The following GLT8D1 variants were observed in gnomAD, a reference collection of about 807,000 sequenced individuals.
GLT8D1 encodes the protein glycosyltransferase 8 domain containing 1.
GLT8D1 carries 41 observed loss-of-function variants against 46.2 expected under a neutral mutation model. The ratio of observed to expected loss-of-function variants is 0.89; its 90% CI spans 0.69 to 1.15. GLT8D1 has a LOEUF of 1.15. Ranked by LOEUF, GLT8D1 falls within the 50% of genes most tolerant of loss-of-function variation. The probability of loss-of-function intolerance (pLI) is 0.00; values close to 1 mark genes in which losing one functional copy is unlikely to be tolerated. For missense variants in GLT8D1, 408 were observed against 449.3 expected (o/e 0.91, Z 0.83); for synonymous variants, 150 against 154.2 (o/e 0.97, Z 0.20).
intron 4 of GLT8D1, 135 bp downstream of exon 4, chr3:52,697,586 A>G (rs1475290999): frequency 2.8e-6 from 2 of 706,114 alleles, no homozygotes; most frequent in East Asian, 5.0e-5. Flanking sequence ...AAAATATGTC[A>G]TTTGTACAGT....
Position 52,696,626 on chromosome 3 carries a change from G to C in GLT8D1, c.363C>G (p.Ile121Met), listed in dbSNP as rs1480811144. 6.2e-7 allele frequency: 1 copy of C among 1,607,772 alleles called. No individual in the cohort carries two copies. The highest frequency in any genetic ancestry group is 8.5e-7 in the Non-Finnish European group (1 of 1,174,386). The change falls in exon 5 of 10, where the codon ATC (isoleucine) becomes ATG (methionine). Residue 121 changes from isoleucine (I) to methionine (M), a missense_variant. Transcript: ENST00000266014. ...GGTCAAAATTGACAATTTTGTATCT[G>C]ATGCTTTTCAGGGAATCACTGTTGA... ...SWLNSDSLKSIRYKIVNFDPK... is the reference protein window; with the variant it reads ...SWLNSDSLKSMRYKIVNFDPK...
intron 4 of GLT8D1, 141 bp downstream of exon 4, chr3:52,697,579 AT>A (rs1318974880): frequency 4.7e-5 from 32 of 680,546 alleles, no homozygotes; most frequent in Middle Eastern, 8.3e-4. Flanking sequence ...CCTAAAAAAA[AT>A]ATGTCATTTG....
At chr3:52,703,648 T>TTA (rs1246470241) in intron 1 of GLT8D1, 1 of 152,154 alleles carries the variant, frequency 6.6e-6, no homozygotes, top group Non-Finnish European at 1.5e-5. Context: ...GATAATGTTT[T>TTA]TAGTTTCTTG....
chr3:52,697,476 G>A, intron 4 of GLT8D1: 1 of 517,468 alleles, frequency 1.9e-6, no homozygotes, highest in South Asian at 2.3e-5. Context: ...ACCATCAGGT[G>A]GGGTTAACAG....
In GLT8D1 at chr3:52,696,210, C is replaced by T. The variant is rs555358622; in HGVS notation, c.532+24G>A. ...TGTACCCAATCTGGGTGGAGAACAG[C>T]ACTCATGGTGACATTTTTGATACCT... On this transcript the variant is annotated intron_variant, in intron 6 of 9. Coordinates refer to ENST00000266014, the MANE Select transcript of GLT8D1 (RefSeq NM_018446.4). The T allele has an allele frequency of 1.0e-5, 15 of 1,472,346 alleles. No homozygotes were observed. In the Admixed American group the frequency reaches 2.3e-4, roughly 23 times the overall value. 91.2% of individuals were successfully genotyped at this position (1,472,346 alleles called of 1,614,324 possible).
Position 52,700,461 on chromosome 3 carries a change from C to G in GLT8D1, c.-1G>C. 1 of 1,589,338 alleles carries G rather than the reference C, an allele frequency of 6.3e-7. No homozygotes were observed. The highest frequency in any genetic ancestry group is 8.6e-7 in the Non-Finnish European group (1 of 1,159,364). On this transcript the variant is annotated 5_prime_UTR_variant, in exon 2 of 10. Coordinates refer to ENST00000266014, the MANE Select transcript of GLT8D1 (RefSeq NM_018446.4). ...AGAGCATACCTTTACGGAATGACAT[C>G]TTTTTCTTCTGTCATATAAATATTA...
Position 52,695,529 on chromosome 3 carries a change from T to G in GLT8D1, c.704A>C (p.Lys235Thr). ...KKERIRKLSM[K>T]ASTCSFNPGV... The stretch of plus-strand genomic sequence containing the variant: ...AGGATTAAATGAGCAAGTGCTGGCT[T>G]TCATGGAAAGCTTACGAATTCTTTC... The change falls in exon 8 of 10, where the codon AAA becomes ACA. Residue 235 changes from lysine (K) to threonine (T), a missense_variant. By Grantham distance (78) the Lys-to-Thr change is moderately conservative. Coordinates refer to ENST00000266014, the MANE Select transcript of GLT8D1 (RefSeq NM_018446.4). 6.2e-7 allele frequency: 1 copy of G among 1,611,836 alleles called. No homozygotes were observed. Among genetic ancestry groups the G allele is most frequent in the Non-Finnish European group, 8.5e-7 (1 of 1,177,912 alleles).
At position 52,700,563 on chromosome 3, in the gene GLT8D1, A is replaced by G. The variant is rs1578592550; in HGVS notation, c.-36-67T>C. 4 of 645,018 alleles carry G rather than the reference A, an allele frequency of 6.2e-6. No homozygotes were observed. In the South Asian group the frequency reaches 6.5e-5, roughly 10 times the overall value. The allele number at this position is 645,018 out of a possible 1,614,324, so 40.0% of individuals were successfully genotyped here. ...AGAAGGGACATCAAAATGCCCTAACACTTTTTTTTTTTTTTTAATTCAGGA... is the reference window on the plus strand; with the variant it reads ...AGAAGGGACATCAAAATGCCCTAACGCTTTTTTTTTTTTTTTAATTCAGGA... On this transcript the variant is annotated intron_variant, in intron 1 of 9. Coordinates refer to ENST00000266014, the MANE Select transcript of GLT8D1 (RefSeq NM_018446.4).
Position 52,695,223 on chromosome 3 carries a change from T to G in GLT8D1, c.892A>C (p.Thr298Pro), listed in dbSNP as rs766229777. 7.4e-6 allele frequency: 12 copies of G among 1,613,640 alleles called. No individual in the cohort carries two copies. Among genetic ancestry groups the G allele is most frequent in the Non-Finnish European group, 1.0e-5 (12 of 1,179,692 alleles). The stretch of plus-strand genomic sequence containing the variant: ...CGGACATTCCACATAGGATCGATGG[T>G]AGAGTGCTGTTGATAAAATACGATA... Reference protein sequence around the residue: ...LLIVFYQQHSTIDPMWNVRHL... With the variant: ...LLIVFYQQHSPIDPMWNVRHL... Residue 298 changes from threonine to proline, a missense_variant, in exon 9 of 10, where the codon ACC becomes CCC. Transcript: ENST00000266014.
intron 4 of GLT8D1, 23 bp from the exon 5 acceptor site, chr3:52,696,682 T>C: frequency 7.8e-7 from 1 of 1,280,390 alleles, no homozygotes; most frequent in Non-Finnish European, 1.1e-6. Flanking sequence ...AAACACTACA[T>C]TTTAGTTTCA....
chr3:52,698,663 A>G (rs2097336475), intron 3 of GLT8D1, among the ~76,000 whole-genome samples: 1 of 152,030 alleles, frequency 6.6e-6, no homozygotes. Flanking sequence ...CCTGGGCAGC[A>G]ATAGGAAAAC....
intron 7 of GLT8D1, 88 bp from the exon 8 acceptor site, chr3:52,695,675 TGAC>T (rs1411704825): frequency 1.3e-6 from 1 of 774,304 alleles, no homozygotes; most frequent in Non-Finnish European, 2.2e-6. Flanking sequence ...GCTGTTAAAC[TGAC>T]TTCTTCAGAT....
chr3:52,704,999 G>A (rs1383824863), intron 1 of GLT8D1: 4 of 152,300 alleles, frequency 2.6e-5, no homozygotes, highest in Admixed American at 2.6e-4. Context: ...GCATGAATGA[G>A]GACAGCAGTC....
intron 1 of GLT8D1, among the ~76,000 whole-genome samples, chr3:52,704,559 G>A (rs559712086): frequency 6.6e-6 from 1 of 150,722 alleles, no homozygotes; most frequent in African/African-American, 2.4e-5. Context: ...CAGAGCATGA[G>A]AAGGAAACAG....
chr3:52,694,881 T>G lies in GLT8D1; in HGVS notation c.1080A>C (p.Leu360=), dbSNP rs533834627. Residue 360 remains leucine (L), a synonymous_variant, in exon 10 of 10, where the codon CTA becomes CTC. Transcript: ENST00000266014. ...YIPDPTGKFN[L]IRRYTEISNI... ...TTGAGATCTCGGTATATCTTCGGAT[T>G]AGGTTGAATTTGCCTGTTGGGTCTG... 2.5e-6 allele frequency: 4 copies of G among 1,612,496 alleles called. No individual in the cohort carries two copies. Among genetic ancestry groups the G allele is most frequent in the Middle Eastern group, 1.7e-4 (1 of 6,060 alleles).
chr3:52,694,569 C>A lies in GLT8D1; in HGVS notation c.*276G>T. ...CAACAGCAGTTTTGAATTATCTGTACCAGCTAGCTGAACTAGCCATATCAG... is the reference window on the plus strand; with the variant it reads ...CAACAGCAGTTTTGAATTATCTGTAACAGCTAGCTGAACTAGCCATATCAG... On this transcript the variant is annotated 3_prime_UTR_variant, in exon 10 of 10. Transcript: ENST00000266014. 3.4e-6 allele frequency: 2 copies of A among 590,402 alleles called. No individual in the cohort carries two copies. The highest frequency in any genetic ancestry group is 6.0e-6 in the Non-Finnish European group (2 of 332,936). The allele number at this position is 590,402 out of a possible 1,614,324, so 36.6% of individuals were successfully genotyped here. A position where few individuals can be genotyped will look rare whatever the true frequency, so the allele number is the denominator to read the frequency against.
chr3:52,694,668 A>ATAGTC lies in GLT8D1; in HGVS notation c.*172_*176dup, dbSNP rs2097330964. On this transcript the variant is annotated 3_prime_UTR_variant, in exon 10 of 10. Transcript: ENST00000266014. ...GCAGATGGAGACATATTTATAGTCT[A>ATAGTC]TAGTCTGTCTGGGAAGCTGACTGCC... 1 of 655,914 alleles carries ATAGTC rather than the reference A, an allele frequency of 1.5e-6. No individual in the cohort carries two copies. The highest frequency in any genetic ancestry group is 2.8e-6 in the Non-Finnish European group (1 of 361,308). 40.6% of individuals were successfully genotyped at this position (655,914 alleles called of 1,614,324 possible). A position where few individuals can be genotyped will look rare whatever the true frequency, so the allele number is the denominator to read the frequency against.
At position 52,697,808 on chromosome 3, in the gene GLT8D1, A is replaced by G. The variant is rs747762076; in HGVS notation, c.242T>C (p.Ile81Thr). Reference sequence around the variant, plus strand: ...GTGCTGAATGCTGTTTATAGCTGCAATGGCCCCCCCAAGCCTGTCTTCAGA... The same window carrying G: ...GTGCTGAATGCTGTTTATAGCTGCAGTGGCCCCCCCAAGCCTGTCTTCAGA... ...AASEDRLGGA[I>T]AAINSIQHNT... is the part of the protein sequence containing the mutation. Residue 81 changes from isoleucine to threonine, a missense_variant, in exon 4 of 10, where the codon ATT (isoleucine) becomes ACT (threonine). Transcript: ENST00000266014. 12 of 1,613,698 alleles carry G rather than the reference A, an allele frequency of 7.4e-6. No homozygotes were observed. Among genetic ancestry groups the G allele is most frequent in the East Asian group, 4.5e-5 (2 of 44,890 alleles).
chr3:52,694,730 A>ATCTT lies in GLT8D1; in HGVS notation c.*111_*114dup. On this transcript the variant is annotated 3_prime_UTR_variant, in exon 10 of 10. Coordinates refer to ENST00000266014, the MANE Select transcript of GLT8D1 (RefSeq NM_018446.4). ...TTTGTCATCTTTACCTAGCTGACAC[A>ATCTT]TCTTTTTCCATGGCTTGCTACCGAT... is the stretch of plus-strand genomic sequence containing the variant. 1 of 764,318 alleles carries ATCTT rather than the reference A, an allele frequency of 1.3e-6. No individual in the cohort carries two copies. The highest frequency in any genetic ancestry group is 2.6e-5 in the East Asian group (1 of 38,330). The allele number at this position is 764,318 out of a possible 1,614,324, so 47.3% of individuals were successfully genotyped here. A position where few individuals can be genotyped will look rare whatever the true frequency, so the allele number is the denominator to read the frequency against.
Sources: allele counts gnomAD v4.1 joint callset (sites outside exome capture counted in the v4.1 genomes callset), GRCh38; gene constraint gnomAD v4.1.1; transcripts MANE v1.5; gene names NCBI Gene and HGNC (gene_info 2026-07-23, HGNC 2026-07-21).